Variants in PCDHGA11 observed in about 807,000 individuals in gnomAD.
The protein encoded by PCDHGA11 is protocadherin gamma subfamily A, 11.
PCDHGA11 carries 39 observed loss-of-function variants against 60.4 expected under a neutral mutation model. That is an observed-to-expected ratio of 0.65 (90% CI 0.50 to 0.84). PCDHGA11 has a LOEUF of 0.84. PCDHGA11 is among the 40% of genes least tolerant of loss of function. The pLI is 0.00. For synonymous variants in PCDHGA11, 533 were observed against 510.3 expected, an observed-to-expected ratio of 1.04 and a Z score of -0.60; for missense variants, 1,165 against 1,197.7, an observed-to-expected ratio of 0.97 and a Z score of 0.40.
chr5:141,449,562 C>T (rs1374591292), intron 1 of PCDHGA11, among the ~76,000 whole-genome samples: 1 of 143,862 alleles, frequency 7.0e-6, no homozygotes, highest in East Asian at 2.0e-4. Context: ...GCACTCCAGC[C>T]TGGGCGACAG....
intron 2 of PCDHGA11, among the ~76,000 whole-genome samples, chr5:141,504,968 C>A (rs1377016827): frequency 1.3e-5 from 2 of 152,206 alleles, no homozygotes; most frequent in East Asian, 3.9e-4. Context: ...ATTGGACCAG[C>A]CTGGCCAACA....
At position 141,489,335 on chromosome 5, in the gene PCDHGA11, G is replaced by C. The variant is rs138015049; in HGVS notation, c.2434-5472G>C. 1.4e-5 allele frequency: 22 copies of C among 1,607,364 alleles called. No individual in the cohort carries two copies. Among genetic ancestry groups the C allele is most frequent in the Non-Finnish European group, 1.9e-5 (22 of 1,175,842 alleles). The stretch of plus-strand genomic sequence containing the variant: ...TGGGGCTGGGTGTCTGGGCAGCTTC[G>C]TTACTCAGTGGTGGAGGAGTCTGAG... On this transcript the variant is annotated intron_variant, in intron 1 of 3. Transcript: ENST00000398587. This position sits in a 1 kb window ranked among gnomAD's most constrained non-coding sequence, Gnocchi z 4.5.
Position 141,476,790 on chromosome 5 carries a change from C to T in PCDHGA11, c.2434-18017C>T. ...TTGGACGGAGGGACCCCAGCTCTCT[C>T]CGCCAGCCTGCCTATTCACATCAAG... On this transcript the variant is annotated intron_variant, in intron 1 of 3. Coordinates refer to ENST00000398587, the MANE Select transcript of PCDHGA11 (RefSeq NM_018914.3). This position sits in a 1 kb window ranked among gnomAD's most constrained non-coding sequence, Gnocchi z 7.6. 1 of 1,613,606 alleles carries T rather than the reference C, an allele frequency of 6.2e-7. No homozygotes were observed. Among genetic ancestry groups the T allele is most frequent in the South Asian group, 1.1e-5 (1 of 91,084 alleles).
chr5:141,423,330 C>T lies in PCDHGA11; in HGVS notation c.2103C>T (p.Val701=), dbSNP rs932335651. 1.2e-6 allele frequency: 2 copies of T among 1,614,174 alleles called. No homozygotes were observed. The highest frequency in any genetic ancestry group is 1.7e-6 in the Non-Finnish European group (2 of 1,180,018). ...ACTTGGTGGTGGCGGTGGCCGCAGT[C>T]TCCTGCATCTTCCTGGTCTTTGTCA... ...SLYLVVAVAA[V]SCIFLVFVIV... is the part of the protein sequence containing the mutation. The change falls in exon 1 of 4, where the codon GTC becomes GTT. Residue 701 remains valine (V), a synonymous_variant. Transcript: ENST00000398587.
intron 1 of PCDHGA11, among the ~76,000 whole-genome samples, chr5:141,451,985 A>G (rs1460304088): frequency 6.6e-6 from 1 of 152,202 alleles, no homozygotes; most frequent in Non-Finnish European, 1.5e-5. Context: ...TAGTTTGTTC[A>G]TTAGAAGCAA....
At position 141,489,924 on chromosome 5, in the gene PCDHGA11, C is replaced by G. The variant is rs755286650; in HGVS notation, c.2434-4883C>G. ...CAGCCCGCTCAGGGACCACCCTTAT[C>G]TCTGTCATCGTGCTGGACATCAATG... is the stretch of plus-strand genomic sequence containing the variant. On this transcript the variant is annotated intron_variant, in intron 1 of 3. Transcript: ENST00000398587. This position sits in a 1 kb window ranked among gnomAD's most constrained non-coding sequence, Gnocchi z 4.5. 22 of 1,614,226 alleles carry G rather than the reference C, an allele frequency of 1.4e-5. No homozygotes were observed. The highest frequency in any genetic ancestry group is 1.9e-5 in the Non-Finnish European group (22 of 1,180,030).
In PCDHGA11 at chr5:141,423,431, G is replaced by T; in HGVS notation, c.2204G>T (p.Gly735Val). The T allele has an allele frequency of 6.2e-7, 1 of 1,614,010 alleles. No individual in the cohort carries two copies. Among genetic ancestry groups the T allele is most frequent in the South Asian group, 1.1e-5 (1 of 91,076 alleles). Residue 735 changes from glycine (G) to valine (V), a missense_variant, in exon 1 of 4, where the codon GGT becomes GTT. Physicochemically the swap from Gly to Val is moderately radical, Grantham distance 109. Coordinates refer to ENST00000398587, the MANE Select transcript of PCDHGA11 (RefSeq NM_018914.3). ...CAGGCTTCTGAAGGCGGGTTGGCAG[G>T]TATGCCCACGTCACATTTTGTAGGC... ...LLQASEGGLAGMPTSHFVGVD... is the reference protein window; with the variant it reads ...LLQASEGGLAVMPTSHFVGVD...
At chr5:141,470,694 A>T (rs763715272) in intron 1 of PCDHGA11, among the ~76,000 whole-genome samples, 1 of 151,978 alleles carries the variant, frequency 6.6e-6, no homozygotes, top group African/African-American at 2.4e-5. Flanking sequence ...GAAATTCTTA[A>T]TAATTTTTAT....
Position 141,432,465 on chromosome 5 carries a change from C to T in PCDHGA11, c.2433+8805C>T. 3 of 1,614,222 alleles carry T rather than the reference C, an allele frequency of 1.9e-6. No individual in the cohort carries two copies. The highest frequency in any genetic ancestry group is 2.5e-6 in the Non-Finnish European group (3 of 1,180,050). On this transcript the variant is annotated intron_variant, in intron 1 of 3. Transcript: ENST00000398587. This position sits in a 1 kb window ranked among gnomAD's most constrained non-coding sequence, Gnocchi z 6.0. The stretch of plus-strand genomic sequence containing the variant: ...GAGATCCTGTACCCCGCCCTCCCCA[C>T]GGACGGTTCCACTGGCGTGGAGCTG...
intron 1 of PCDHGA11, chr5:141,430,576 T>G (rs767759432): frequency 3.3e-5 from 15 of 459,492 alleles, no homozygotes; most frequent in Non-Finnish European, 5.5e-5. Flanking sequence ...AAAGCGGAGA[T>G]CCTGCTCGCC....
At chr5:141,444,125 C>A (rs1459174213) in intron 1 of PCDHGA11, among the ~76,000 whole-genome samples, 2 of 130,784 alleles carry the variant, frequency 1.5e-5, no homozygotes, top group African/African-American at 5.7e-5. Flanking sequence ...AGTATCTCAA[C>A]AGATATGTGT....
At chr5:141,509,040 C>G (rs1217864661) in intron 3 of PCDHGA11, among the ~76,000 whole-genome samples, 1 of 152,132 alleles carries the variant, frequency 6.6e-6, no homozygotes, top group Non-Finnish European at 1.5e-5. Context: ...CAACCCCTCT[C>G]CCCCGCCCCC....
At chr5:141,456,148 C>T (rs1408257938) in intron 1 of PCDHGA11, among the ~76,000 whole-genome samples, 13 of 152,078 alleles carry the variant, frequency 8.5e-5, no homozygotes, top group African/African-American at 3.1e-4. Flanking sequence ...CCGCCCGCCT[C>T]GGCCTCCTAA....
At chr5:141,445,249 G>A (rs1337658576) in intron 1 of PCDHGA11, among the ~76,000 whole-genome samples, 2 of 152,170 alleles carry the variant, frequency 1.3e-5, no homozygotes, top group South Asian at 4.1e-4. Flanking sequence ...ACTATATTGT[G>A]TGAGAATATA....
chr5:141,489,635 G>T lies in PCDHGA11; in HGVS notation c.2434-5172G>T, dbSNP rs1380466520. On this transcript the variant is annotated intron_variant, in intron 1 of 3. Coordinates refer to ENST00000398587, the MANE Select transcript of PCDHGA11 (RefSeq NM_018914.3). This position sits in a 1 kb window ranked among gnomAD's most constrained non-coding sequence, Gnocchi z 4.5. ...CTGGATCTCAATGACAACTCTCCTA[G>T]CTTTGCCACCCCTGAGCGAGAGATG... 1.2e-6 allele frequency: 2 copies of T among 1,614,024 alleles called. No homozygotes were observed. The highest frequency in any genetic ancestry group is 2.7e-5 in the African/African-American group (2 of 74,908).
intron 1 of PCDHGA11, among the ~76,000 whole-genome samples, chr5:141,429,706 T>G (rs191069331): frequency 7.6e-4 from 116 of 152,354 alleles, no homozygotes; most frequent in African/African-American, 2.5e-3. Flanking sequence ...ACAGTATAAA[T>G]ATTTACGCTC....
intron 1 of PCDHGA11, among the ~76,000 whole-genome samples, chr5:141,472,527 G>A (rs905459978): frequency 1.3e-5 from 2 of 151,468 alleles, no homozygotes; most frequent in African/African-American, 4.9e-5. Flanking sequence ...GTGACAGAGT[G>A]AGACACCATC....
chr5:141,423,301 C>T lies in PCDHGA11; in HGVS notation c.2074C>T (p.Leu692=), dbSNP rs1489674947. Residue 692 remains leucine (L), a synonymous_variant, in exon 1 of 4, where the codon CTG becomes TTG. Coordinates refer to ENST00000398587, the MANE Select transcript of PCDHGA11 (RefSeq NM_018914.3). ...LANSETSDLS[L]YLVVAVAAVS... is the part of the protein sequence containing the mutation. The stretch of plus-strand genomic sequence containing the variant: ...TAACTCTGAAACCTCAGACCTCTCG[C>T]TGTACTTGGTGGTGGCGGTGGCCGC... 3 of 1,614,150 alleles carry T rather than the reference C, an allele frequency of 1.9e-6. No individual in the cohort carries two copies. The highest frequency in any genetic ancestry group is 4.5e-5 in the East Asian group (2 of 44,876).
intron 1 of PCDHGA11, chr5:141,426,390 C>T (rs1211244710): frequency 7.9e-6 from 2 of 252,180 alleles, no homozygotes; most frequent in African/African-American, 4.4e-5. Flanking sequence ...AGATCCGCTA[C>T]TCTATTCCAG....
Sources: allele counts gnomAD v4.1 joint callset (sites outside exome capture counted in the v4.1 genomes callset), GRCh38; gene constraint gnomAD v4.1.1; non-coding constraint Gnocchi (gnomAD v3.1); transcripts MANE v1.5; gene names NCBI Gene and HGNC (gene_info 2026-07-23, HGNC 2026-07-21).